TRAF7: variants seen among roughly 807,000 people sequenced by gnomAD.
TRAF7 encodes TNF receptor associated factor 7.
TRAF7 carries 45 observed loss-of-function variants against 89.3 expected under a neutral mutation model. The ratio of observed to expected loss-of-function variants is 0.50; its 90% CI spans 0.40 to 0.65. The LOEUF (loss-of-function observed/expected upper bound fraction) is 0.65. Ranked by LOEUF, TRAF7 falls within the 30% of genes least tolerant of loss-of-function variation. TRAF7 has a pLI of 0.00. For missense variants in TRAF7, 677 were observed against 918.1 expected (o/e 0.74, Z 3.39); for synonymous variants, 406 against 369.2 (o/e 1.10, Z -1.14).
chr16:2,171,484 G>T (rs1238231441), intron 6 of TRAF7, 88 bp from the exon 7 acceptor site: 1 of 1,589,954 alleles, frequency 6.3e-7, no homozygotes, highest in Non-Finnish European at 8.6e-7. Context: ...TGGGCTTGGG[G>T]TACAGCGAGG....
At chr16:2,164,165 C>CGCGCGCGCGCACGCGCACGCGT (rs2093070097) in intron 2 of TRAF7, among the ~76,000 whole-genome samples, 164 bp downstream of exon 2, 1 of 88,524 alleles carries the variant, frequency 1.1e-5, no homozygotes, top group Non-Finnish European at 2.5e-5. Context: ...TGTGTGCGCG[C>CGCGCGCGCGCACGCGCACGCGT]GCGCGCGCGC....
At position 2,176,089 on chromosome 16, in the gene TRAF7, CG is replaced by C; in HGVS notation, c.1790del (p.Gly597AlafsTer37). The C allele has an allele frequency of 6.2e-7, 1 of 1,610,850 alleles. No individual in the cohort carries two copies. Among genetic ancestry groups the C allele is most frequent in the Non-Finnish European group, 8.5e-7 (1 of 1,178,978 alleles). On this transcript the variant is annotated frameshift_variant, in exon 19 of 21. Coordinates refer to ENST00000326181, the MANE Select transcript of TRAF7 (RefSeq NM_032271.3). LOFTEE classifies it high-confidence loss of function. ...TCCAAGGAGCAGGTGCGGACCCTCA[CG>C]GGCCACGTGGGCACCGTGTATGCCC... is the stretch of plus-strand genomic sequence containing the variant. ...IESKEQVRTL[T>X]GHVGTVYALA...
Position 2,168,172 on chromosome 16 carries a change from G to T in TRAF7, c.231+4G>T. ...GCGGGACGAGGAGGACAGCATGGTA[G>T]GTCCCTACCCCCAGGAGCCCGTGTG... On this transcript the variant is annotated splice_donor_region_variant and intron_variant, in intron 4 of 20. Coordinates refer to ENST00000326181, the MANE Select transcript of TRAF7 (RefSeq NM_032271.3). This position sits in a 1 kb window ranked among gnomAD's most constrained non-coding sequence, Gnocchi z 4.1. The T allele has an allele frequency of 6.2e-7, 1 of 1,607,022 alleles. No homozygotes were observed. The highest frequency in any genetic ancestry group is 8.5e-7 in the Non-Finnish European group (1 of 1,177,788).
chr16:2,166,254 A>G (rs1198948447), intron 3 of TRAF7, among the ~76,000 whole-genome samples: 1 of 152,054 alleles, frequency 6.6e-6, no homozygotes, highest in Non-Finnish European at 1.5e-5. Context: ...TGTCACAGTG[A>G]TCCCCAGCTT....
In TRAF7 at chr16:2,176,366, T is replaced by C; in HGVS notation, c.1980T>C (p.Ala660=). The C allele has an allele frequency of 1.2e-6, 2 of 1,607,456 alleles. No homozygotes were observed. Among genetic ancestry groups the C allele is most frequent in the Non-Finnish European group, 8.5e-7 (1 of 1,178,716 alleles). The change falls in exon 20 of 21, where the codon GCT becomes GCC. Residue 660 remains alanine, a synonymous_variant. Transcript: ENST00000326181. The part of the protein sequence containing the change: ...AVSRGRLFSG[A]VDSTVKVWTC ...CCCGGGGCCGACTCTTCTCAGGGGC[T>C]GTGGATAGCACTGTGAAGGTCAGTG...
At chr16:2,156,233 A>G (rs1400758356) in intron 1 of TRAF7, among the ~76,000 whole-genome samples, 2 of 152,006 alleles carry the variant, frequency 1.3e-5, no homozygotes, top group African/African-American at 4.8e-5. Context: ...CCTCCGCACC[A>G]TCGACCACGC....
rs1299768748 is a variant in TRAF7 at position 2,177,410 on chromosome 16, C to T, written c.*836C>T. The T allele has an allele frequency of 3.0e-5, 7 of 232,670 alleles. No individual in the cohort carries two copies. Among genetic ancestry groups the T allele is most frequent in the East Asian group, 6.1e-5 (1 of 16,502 alleles). 14.4% of individuals were successfully genotyped at this position (232,670 alleles called of 1,614,324 possible). On this transcript the variant is annotated 3_prime_UTR_variant, in exon 21 of 21. Coordinates refer to ENST00000326181, the MANE Select transcript of TRAF7 (RefSeq NM_032271.3). The stretch of plus-strand genomic sequence containing the variant: ...GCCCCACACCACAATCGCTGGTTTT[C>T]GGCATTTTTTAAATTTTTTTTTTAA...
In TRAF7 at chr16:2,159,209, T is replaced by G. The variant is rs971598178; in HGVS notation, c.-39+3351T>G. 6.6e-6 allele frequency among the ~76,000 whole-genome samples: 1 copy of G among 151,660 alleles called. No individual in the cohort carries two copies. Among genetic ancestry groups the G allele is most frequent in the Non-Finnish European group, 1.5e-5 (1 of 67,896 alleles). ...AAGACAGGCCTGGAGGCTGAGTGGATGCAGTAGGAGCAGAGCTGGGGGAGG... is the reference window on the plus strand; with the variant it reads ...AAGACAGGCCTGGAGGCTGAGTGGAGGCAGTAGGAGCAGAGCTGGGGGAGG... On this transcript the variant is annotated intron_variant, in intron 1 of 20. Coordinates refer to ENST00000326181, the MANE Select transcript of TRAF7 (RefSeq NM_032271.3). This position sits in a 1 kb window ranked among gnomAD's most constrained non-coding sequence, Gnocchi z 6.5.
chr16:2,175,628 C>G lies in TRAF7; in HGVS notation c.1626+6C>G. The G allele has an allele frequency of 6.2e-7, 1 of 1,610,742 alleles. No individual in the cohort carries two copies. Among genetic ancestry groups the G allele is most frequent in the South Asian group, 1.1e-5 (1 of 91,020 alleles). On this transcript the variant is annotated splice_donor_region_variant and intron_variant, in intron 17 of 20. Transcript: ENST00000326181. ...GCTCCTACCAGACAATCAAGGTGCGCTTGGGCACACCTGGTGGCCACAGGG... is the reference window on the plus strand; with the variant it reads ...GCTCCTACCAGACAATCAAGGTGCGGTTGGGCACACCTGGTGGCCACAGGG...
chr16:2,171,240 C>T (rs1299412101), intron 5 of TRAF7, 24 bp from the exon 6 acceptor site: 5 of 1,534,482 alleles, frequency 3.3e-6, no homozygotes, highest in Non-Finnish European at 4.4e-6. Flanking sequence ...CCCGCCATCG[C>T]CTGCCTTTCC....
At chr16:2,169,077 C>T (rs749338702) in intron 4 of TRAF7, among the ~76,000 whole-genome samples, 4 of 152,110 alleles carry the variant, frequency 2.6e-5, no homozygotes, top group Non-Finnish European at 5.9e-5. Flanking sequence ...CCTCCGCCTC[C>T]CGGGTTTAAG....
chr16:2,170,669 A>C lies in TRAF7; in HGVS notation c.287A>C (p.His96Pro). Residue 96 changes from histidine (H) to proline (P), a missense_variant, in exon 5 of 21, where the codon CAC (histidine) becomes CCC (proline). This residue lies in a region of TRAF7 where 240 missense variants were observed against 191.9 expected (regional missense o/e 1.25). Coordinates refer to ENST00000326181, the MANE Select transcript of TRAF7 (RefSeq NM_032271.3). ...SDSAISVRSL[H>P]SESSMSLRST... ...TCCGCCATCTCTGTCCGCTCCCTGC[A>C]CTCAGAGTCCAGCATGTCTCTGCGC... is the stretch of plus-strand genomic sequence containing the variant. 2 of 1,609,874 alleles carry C rather than the reference A, an allele frequency of 1.2e-6. No homozygotes were observed. Among genetic ancestry groups the C allele is most frequent in the Non-Finnish European group, 1.7e-6 (2 of 1,178,532 alleles).
At position 2,158,768 on chromosome 16, in the gene TRAF7, CG is replaced by C. The variant is rs71148123; in HGVS notation, c.-39+2923del. ...GTGGGACTGGGAAGCGTGGGCTCGGCGGGGGGGGGGGGGACACTGCCACCCT... is the reference window on the plus strand; with the variant it reads ...GTGGGACTGGGAAGCGTGGGCTCGGCGGGGGGGGGGGGACACTGCCACCCT... On this transcript the variant is annotated intron_variant, in intron 1 of 20. Transcript: ENST00000326181. This position sits in a 1 kb window ranked among gnomAD's most constrained non-coding sequence, Gnocchi z 4.7. Among the ~76,000 whole-genome samples, 6,542 of 50,832 alleles carry C rather than the reference CG, an allele frequency of 0.13. 279 individuals are homozygous for C. Among genetic ancestry groups the C allele is most frequent in the Middle Eastern group, 0.18 (13 of 74 alleles). The allele number at this position is 50,832 out of a possible 152,430, so 33.3% of individuals were successfully genotyped here.
intron 3 of TRAF7, among the ~76,000 whole-genome samples, chr16:2,167,394 T>A (rs1178161931): frequency 6.6e-6 from 1 of 152,154 alleles, no homozygotes; most frequent in Non-Finnish European, 1.5e-5. Context: ...CCGGGAGGTG[T>A]CTCTCTCTGC....
rs1330756454 is a variant in TRAF7, at chr16:2,161,894, T to TC, written c.-38-1986dup. ...TAGACACACCACGACCACACCTCTG[T>TC]CCCAGGGCTGACTCCTCTGAGCCTG... On this transcript the variant is annotated intron_variant, in intron 1 of 20. Transcript: ENST00000326181. The surrounding 1 kb of genome is among the most constrained non-coding windows in gnomAD (Gnocchi z 5.2). Among the ~76,000 whole-genome samples, 1 of 152,096 alleles carries TC rather than the reference T, an allele frequency of 6.6e-6. No homozygotes were observed. The highest frequency in any genetic ancestry group is 1.5e-5 in the Non-Finnish European group (1 of 67,992).
At chr16:2,173,857 G>GCGGGGGGGCCCCCCC in intron 12 of TRAF7, 21 bp downstream of exon 12, 10 of 1,607,430 alleles carry the variant, frequency 6.2e-6, no homozygotes, top group African/African-American at 1.3e-5. Flanking sequence ...ACCCGCCGTG[G>GCGGGGGGGCCCCCCC]CTCCCGCCCA....
At position 2,178,095 on chromosome 16, in the gene TRAF7, C is replaced by T. The variant is rs571858506; in HGVS notation, c.*1521C>T. 2.6e-5 allele frequency: 13 copies of T among 503,228 alleles called. No homozygotes were observed. The highest frequency in any genetic ancestry group is 4.6e-5 in the Non-Finnish European group (12 of 260,378). 31.2% of individuals were successfully genotyped at this position (503,228 alleles called of 1,614,324 possible). A position where few individuals can be genotyped will look rare whatever the true frequency, so the allele number is the denominator to read the frequency against. On this transcript the variant is annotated 3_prime_UTR_variant, in exon 21 of 21. Coordinates refer to ENST00000326181, the MANE Select transcript of TRAF7 (RefSeq NM_032271.3). ...GTTTCTCTGGGGAAATCCGCCTCAG[C>T]TCATTCCCAATAAATTAATACTCTT...
chr16:2,173,859 T>TTGGGCGCCCCCCCC, intron 12 of TRAF7, 23 bp downstream of exon 12: 3 of 1,246,246 alleles, frequency 2.4e-6, no homozygotes, highest in African/African-American at 1.9e-5. Context: ...CCGCCGTGGC[T>TTGGGCGCCCCCCCC]CCCGCCCACC....
rs1394758490 is a variant in TRAF7, at chr16:2,176,169, C to T, written c.1867C>T (p.Arg623Trp). Residue 623 changes from arginine (R) to tryptophan (W), a missense_variant, in exon 19 of 21, where the codon CGG (arginine) becomes TGG (tryptophan). By Grantham distance (101) the Arg-to-Trp change is moderately radical. This residue lies in a region of TRAF7 where 160 missense variants were observed against 263.7 expected (regional missense o/e 0.61). Coordinates refer to ENST00000326181, the MANE Select transcript of TRAF7 (RefSeq NM_032271.3). ...CAAAGTCTTCAGTGCATCCTACGAC[C>T]GGTCCCTCAGGGTGCGTGCTGGCCC... Reference protein sequence around the residue: ...QTKVFSASYDRSLRVWSMDNM... With the variant: ...QTKVFSASYDWSLRVWSMDNM... The T allele has an allele frequency of 3.7e-6, 6 of 1,606,804 alleles. No individual in the cohort carries two copies. Among genetic ancestry groups the T allele is most frequent in the African/African-American group, 1.3e-5 (1 of 74,922 alleles).
Sources: allele counts gnomAD v4.1 joint callset (sites outside exome capture counted in the v4.1 genomes callset), GRCh38; gene constraint gnomAD v4.1.1; regional missense constraint gnomAD v4.1.1; non-coding constraint Gnocchi (gnomAD v3.1); transcripts MANE v1.5; gene names NCBI Gene and HGNC (gene_info 2026-07-23, HGNC 2026-07-21).